Variants in EWSR1 observed in about 807,000 individuals in gnomAD.
The protein encoded by EWSR1 is RNA-binding protein EWS.
In EWSR1, 14 loss-of-function variants were observed where a neutral mutation model predicts 92.1. The ratio of observed to expected loss-of-function variants is 0.15; its 90% CI spans 0.10 to 0.24. EWSR1 has a LOEUF of 0.24. EWSR1 is among the 10% of genes least tolerant of loss of function. The pLI, the probability that EWSR1 is intolerant of heterozygous loss-of-function variation, is 1.00. For synonymous variants in EWSR1, 303 were observed against 292.9 expected (o/e 1.03, Z -0.35); for missense variants, 637 against 870.9 (o/e 0.73, Z 3.38).
intron 5 of EWSR1, among the ~76,000 whole-genome samples, chr22:29,280,854 T>G (rs1317821525): frequency 7.2e-6 from 1 of 138,332 alleles, no homozygotes; most frequent in East Asian, 2.2e-4. Flanking sequence ...TGTGTGTGTG[T>G]GTGTGTTGTT....
At chr22:29,283,137 G>C (rs974344466) in intron 6 of EWSR1, among the ~76,000 whole-genome samples, 1 of 152,110 alleles carries the variant, frequency 6.6e-6, no homozygotes, top group African/African-American at 2.4e-5. Flanking sequence ...TCTTCCTTTT[G>C]CTGTTTTAGT....
At chr22:29,284,508 C>T (rs975857671) in intron 6 of EWSR1, among the ~76,000 whole-genome samples, 1 of 151,276 alleles carries the variant, frequency 6.6e-6, no homozygotes, top group African/African-American at 2.5e-5. Flanking sequence ...AGAGCAGGTT[C>T]GTACCTATTG....
At chr22:29,272,726 C>T (rs1273538079) in intron 3 of EWSR1, among the ~76,000 whole-genome samples, 2 of 152,190 alleles carry the variant, frequency 1.3e-5, no homozygotes, top group Admixed American at 6.5e-5. Context: ...TGAATTTATT[C>T]ATCATAGCAA....
intron 5 of EWSR1, among the ~76,000 whole-genome samples, chr22:29,281,039 C>T (rs964829280): frequency 6.6e-6 from 1 of 151,822 alleles, no homozygotes; most frequent in Admixed American, 6.6e-5. Context: ...ACCATGATGC[C>T]TGGCTAATTT....
At chr22:29,289,355 G>A (rs1390695284) in intron 8 of EWSR1, 2 of 229,884 alleles carry the variant, frequency 8.7e-6, no homozygotes, top group African/African-American at 4.4e-5. Flanking sequence ...ATTTTGCAGA[G>A]TAATGTATAT....
intron 7 of EWSR1, among the ~76,000 whole-genome samples, chr22:29,287,831 A>T (rs531558542): frequency 6.6e-6 from 1 of 152,276 alleles, no homozygotes; most frequent in South Asian, 2.1e-4. Flanking sequence ...TATGATTTTG[A>T]TAGTCAAGTA....
At chr22:29,270,242 C>A (rs761785281) in intron 1 of EWSR1, among the ~76,000 whole-genome samples, 1 of 152,144 alleles carries the variant, frequency 6.6e-6, no homozygotes, top group Non-Finnish European at 1.5e-5. Context: ...TATGTTATCT[C>A]ATGTAGAAAA....
At chr22:29,292,318 C>G in intron 10 of EWSR1, 149 bp downstream of exon 10, 1 of 1,002,732 alleles carries the variant, frequency 1.0e-6, no homozygotes, top group African/African-American at 1.6e-5. Context: ...TGAGCATCTA[C>G]TCATAATTGC....
In EWSR1 at chr22:29,282,439, A is replaced by G. The variant is rs1468094449; in HGVS notation, c.463A>G (p.Thr155Ala). ...TGAGACTAGTCAACCTCAATCTAGCACAGGGGGTTACAACCAGCCCAGCCT... is the reference window on the plus strand; with the variant it reads ...TGAGACTAGTCAACCTCAATCTAGCGCAGGGGGTTACAACCAGCCCAGCCT... ...PTETSQPQSS[T>A]GGYNQPSLGY... Residue 155 changes from threonine to alanine, a missense_variant, in exon 6 of 17, where the codon ACA becomes GCA. By Grantham distance (58) the Thr-to-Ala change is moderately conservative. Around this residue, in one of 5 missense-constraint regions of EWSR1, gnomAD observed 6 missense variants for 30.3 expected, o/e 0.20. Coordinates refer to ENST00000397938, the MANE Select transcript of EWSR1 (RefSeq NM_005243.4). 6.3e-7 allele frequency: 1 copy of G among 1,597,040 alleles called. No homozygotes were observed.
intron 5 of EWSR1, among the ~76,000 whole-genome samples, chr22:29,279,831 A>ATT (rs1404190916): frequency 2.6e-5 from 4 of 152,232 alleles, no homozygotes; most frequent in Non-Finnish European, 5.9e-5. Context: ...TCCGAGTGTC[A>ATT]TCAGATGTAT....
intron 7 of EWSR1, 143 bp downstream of exon 7, chr22:29,287,277 C>G (rs1265116846): frequency 2.6e-6 from 2 of 767,594 alleles, no homozygotes; most frequent in East Asian, 5.4e-5. Flanking sequence ...GGTGCCATCT[C>G]AGCTCACTGC....
intron 8 of EWSR1, chr22:29,290,811 G>A (rs1185681961): frequency 2.1e-6 from 1 of 472,612 alleles, no homozygotes; most frequent in East Asian, 5.2e-5. Context: ...CTCCCACTGG[G>A]GAGCTGCCTT....
chr22:29,287,711 C>T (rs2060152702), intron 7 of EWSR1, among the ~76,000 whole-genome samples: 1 of 152,196 alleles, frequency 6.6e-6, no homozygotes, highest in African/African-American at 2.4e-5. Context: ...TTTTAGACTG[C>T]TAGCCCTGCT....
intron 5 of EWSR1, 129 bp downstream of exon 5, chr22:29,278,345 T>C (rs1341449680): frequency 3.6e-6 from 3 of 830,554 alleles, no homozygotes; most frequent in Non-Finnish European, 3.7e-6. Flanking sequence ...AGATGTTCAC[T>C]GTTAGTAACT....
chr22:29,291,510 C>T (rs1367159551), intron 8 of EWSR1, 52 bp from the exon 9 acceptor site: 8 of 1,587,728 alleles, frequency 5.0e-6, no homozygotes, highest in East Asian at 2.2e-5. Flanking sequence ...AGGCTCAGAG[C>T]GGTACTGGCT....
chr22:29,276,928 T>C (rs1489905624), intron 4 of EWSR1: 3 of 231,658 alleles, frequency 1.3e-5, no homozygotes, highest in Non-Finnish European at 2.6e-5. Flanking sequence ...TAAACCAAAC[T>C]TTTTATTGCA....
chr22:29,286,884 TAA>T, intron 6 of EWSR1, 37 bp from the exon 7 acceptor site: 1 of 1,555,352 alleles, frequency 6.4e-7, no homozygotes, highest in Non-Finnish European at 8.8e-7. Context: ...AGCCTCTTTC[TAA>T]AAAAGCTTTT....
chr22:29,272,308 G>A (rs2058744849), intron 2 of EWSR1, 56 bp downstream of exon 2: 2 of 1,610,740 alleles, frequency 1.2e-6, no homozygotes, highest in Non-Finnish European at 1.7e-6. Flanking sequence ...TTTGAATATG[G>A]AGCCTTCTAT....
At chr22:29,273,536 A>T (rs1323615531) in intron 3 of EWSR1, among the ~76,000 whole-genome samples, 2 of 152,186 alleles carry the variant, frequency 1.3e-5, no homozygotes, top group African/African-American at 4.8e-5. Flanking sequence ...TTCCGTAGCT[A>T]ACTTTACCAT....
Sources: allele counts gnomAD v4.1 joint callset (sites outside exome capture counted in the v4.1 genomes callset), GRCh38; gene constraint gnomAD v4.1.1; regional missense constraint gnomAD v4.1.1; transcripts MANE v1.5; gene names NCBI Gene and HGNC (gene_info 2026-07-23, HGNC 2026-07-21).